The following LNPK variants were observed in gnomAD, a reference collection of about 807,000 sequenced individuals.
The protein encoded by LNPK is endoplasmic reticulum junction formation protein lunapark.
In LNPK, 29 loss-of-function variants were observed where a neutral mutation model predicts 55.2. The ratio of observed to expected loss-of-function variants is 0.53; its 90% CI spans 0.39 to 0.72. The LOEUF is 0.72. Among genes scored for constraint, LNPK ranks in the 30% least tolerant of loss-of-function variants. The pLI, the probability that LNPK is intolerant of heterozygous loss-of-function variation, is 0.00. For synonymous variants in LNPK, 162 were observed against 168.2 expected (o/e 0.96, Z 0.29); for missense variants, 467 against 494.8 (o/e 0.94, Z 0.53).
intron 10 of LNPK, among the ~76,000 whole-genome samples, chr2:175,939,125 C>T (rs1283640184): frequency 6.6e-6 from 1 of 151,952 alleles, no homozygotes; most frequent in African/African-American, 2.4e-5. Flanking sequence ...TACGATCTTC[C>T]TAGAGTTATT....
At chr2:175,967,405 A>T (rs1389194357) in intron 6 of LNPK, among the ~76,000 whole-genome samples, 2 of 152,192 alleles carry the variant, frequency 1.3e-5, no homozygotes, top group African/African-American at 4.8e-5. Context: ...AGCACAAAAT[A>T]AATGTGAAAA....
At chr2:175,950,338 G>A (rs1223939060) in intron 8 of LNPK, among the ~76,000 whole-genome samples, 1 of 152,078 alleles carries the variant, frequency 6.6e-6, no homozygotes, top group South Asian at 2.1e-4. Context: ...GCTAGTGTTT[G>A]ACAGTACAGT....
At chr2:175,933,125 T>TCACCC (rs1405756252) in intron 12 of LNPK, among the ~76,000 whole-genome samples, 2 of 152,136 alleles carry the variant, frequency 1.3e-5, no homozygotes, top group African/African-American at 4.8e-5. Context: ...ACTCCTGCCA[T>TCACCC]CACCCCACCC....
At chr2:176,002,410 T>A, upstream of LNPK, 3 of 341,464 alleles carry the variant, frequency 8.8e-6, no homozygotes, top group South Asian at 4.3e-5. Context: ...GAGGTTAGGA[T>A]CTTGTGTTTG....
chr2:175,932,284 AG>A (rs1684314838), intron 12 of LNPK: 2 of 423,424 alleles, frequency 4.7e-6, no homozygotes, highest in South Asian at 1.7e-5. Context: ...GGGGCCACAA[AG>A]AAATGGTTAA....
chr2:175,946,833 G>T (rs148336181), intron 9 of LNPK, among the ~76,000 whole-genome samples: 152 of 152,164 alleles, frequency 1.0e-3, no homozygotes, highest in African/African-American at 3.2e-3. Context: ...GGACTTCCAT[G>T]CCCCAGTCAC....
intron 4 of LNPK, among the ~76,000 whole-genome samples, chr2:175,986,745 T>TA (rs766367854): frequency 3.3e-5 from 5 of 151,758 alleles, no homozygotes; most frequent in African/African-American, 4.8e-5. Flanking sequence ...CTTTCTTGAT[T>TA]AAAAAAAACT....
chr2:175,964,589 G>A lies in LNPK; in HGVS notation c.358C>T (p.Leu120Phe). The A allele has an allele frequency of 6.4e-7, 1 of 1,574,094 alleles. No homozygotes were observed. The highest frequency in any genetic ancestry group is 1.1e-5 in the South Asian group (1 of 90,108). Residue 120 changes from leucine to phenylalanine, a missense_variant and splice_region_variant, in exon 7 of 13, where the codon CTT (leucine) becomes TTT (phenylalanine). Transcript: ENST00000272748. The part of the protein sequence containing the change: ...DDLKSQRKKI[L>F]EEVMEKETYK... ...GTTTCTTTTTCCATGACTTCTTCAA[G>A]CTACGAACAAAAATTTCCATAAATT...
intron 9 of LNPK, among the ~76,000 whole-genome samples, chr2:175,940,100 T>G (rs1684752192): frequency 6.6e-6 from 1 of 152,100 alleles, no homozygotes; most frequent in South Asian, 2.1e-4. Flanking sequence ...GTAACAGTTT[T>G]AAAGACACTG....
chr2:175,960,857 A>G (rs1002211646), intron 8 of LNPK, among the ~76,000 whole-genome samples: 9 of 152,210 alleles, frequency 5.9e-5, no homozygotes, highest in Non-Finnish European at 1.3e-4. Context: ...AATAGACACA[A>G]TAAAAAATGA....
intron 8 of LNPK, among the ~76,000 whole-genome samples, chr2:175,950,171 T>A (rs1685328827): frequency 6.6e-6 from 1 of 151,960 alleles, no homozygotes. Flanking sequence ...CCAACAAAAA[T>A]CATACTCACT....
chr2:175,938,343 T>C lies in LNPK; in HGVS notation c.853A>G (p.Met285Val). 1.9e-6 allele frequency: 3 copies of C among 1,603,320 alleles called. No homozygotes were observed. The highest frequency in any genetic ancestry group is 8.5e-7 in the Non-Finnish European group (1 of 1,171,508). The change falls in exon 11 of 13, where the codon ATG becomes GTG. Residue 285 changes from methionine (M) to valine (V), a missense_variant. Physicochemically the swap from Met to Val is conservative, Grantham distance 21. Transcript: ENST00000272748. ...TATTCAAATTCTTCCTTCAAAGCCA[T>C]GCCATTATGAGAAAAACACTGCTGA... Reference protein sequence around the residue: ...ICQQCFSHNGMALKEEFEYIA... With the variant: ...ICQQCFSHNGVALKEEFEYIA...
chr2:175,946,144 TTATTCCTTC>T (rs1289139987), intron 9 of LNPK, among the ~76,000 whole-genome samples: 1 of 152,178 alleles, frequency 6.6e-6, no homozygotes, highest in Non-Finnish European at 1.5e-5. Context: ...ATCTAGGCTA[TTATTCCTTC>T]TATAGCCCTA....
At chr2:176,002,405 T>C (rs527995204), upstream of LNPK, 13 of 347,608 alleles carry the variant, frequency 3.7e-5, no homozygotes, top group African/African-American at 2.9e-4. Context: ...GCCGGGAGGT[T>C]AGGATCTTGT....
rs369301283 is a variant in LNPK at position 175,939,614 on chromosome 2, G to C, written c.750C>G (p.Pro250=). The change falls in exon 10 of 13, where the codon CCC becomes CCG. Residue 250 remains proline, a synonymous_variant. Coordinates refer to ENST00000272748, the MANE Select transcript of LNPK (RefSeq NM_030650.3). ...TTCTATCCAAAGCACCTCGTTCTCG[G>C]GGGAGAATAGGTCTTGCTAAAGGTG... is the stretch of plus-strand genomic sequence containing the variant. ...PGPPLARPIL[P]RERGALDRIV... is the part of the protein sequence containing the mutation. 1.2e-6 allele frequency: 2 copies of C among 1,607,310 alleles called. No homozygotes were observed. Among genetic ancestry groups the C allele is most frequent in the African/African-American group, 2.7e-5 (2 of 74,456 alleles).
chr2:175,969,333 G>A (rs914356278), intron 6 of LNPK, among the ~76,000 whole-genome samples: 13 of 152,146 alleles, frequency 8.5e-5, no homozygotes, highest in African/African-American at 2.6e-4. Flanking sequence ...TTTATGTTGC[G>A]ATTCCTTTAA....
At chr2:175,933,202 T>C (rs1045471222) in intron 12 of LNPK, among the ~76,000 whole-genome samples, 11 of 152,166 alleles carry the variant, frequency 7.2e-5, no homozygotes, top group African/African-American at 1.2e-4. Context: ...TGGCTTCCAG[T>C]TGTTTGGGCA....
chr2:175,969,852 CT>C (rs1366867763), intron 6 of LNPK, among the ~76,000 whole-genome samples: 1 of 152,164 alleles, frequency 6.6e-6, no homozygotes, highest in East Asian at 1.9e-4. Context: ...CTAAGGAATC[CT>C]TTCAAAATTA....
intron 5 of LNPK, among the ~76,000 whole-genome samples, chr2:175,971,843 AAGGGTT>A (rs2105656398): frequency 6.6e-6 from 1 of 152,324 alleles, no homozygotes; most frequent in Non-Finnish European, 1.5e-5. Context: ...ACTTTAATCC[AAGGGTT>A]AGCAAACTTA....
Sources: allele counts gnomAD v4.1 joint callset (sites outside exome capture counted in the v4.1 genomes callset), GRCh38; gene constraint gnomAD v4.1.1; transcripts MANE v1.5; gene names NCBI Gene and HGNC (gene_info 2026-07-23, HGNC 2026-07-21).